Variants in NRXN1 observed in about 807,000 individuals in gnomAD.
The protein encoded by NRXN1 is neurexin 1, also known as neurexin-1.
NRXN1 carries 39 observed loss-of-function variants against 150.9 expected under a neutral mutation model. That is an observed-to-expected ratio of 0.26 (90% CI 0.20 to 0.34). The LOEUF (loss-of-function observed/expected upper bound fraction) is 0.34, where lower values mean the gene tolerates loss of function less well. NRXN1 is among the 10% of genes least tolerant of loss of function. The pLI, the probability that NRXN1 is intolerant of heterozygous loss-of-function variation, is 1.00. For synonymous variants in NRXN1, 924 were observed against 757.0 expected, an observed-to-expected ratio of 1.22 and a Z score of -3.62; for missense variants, 1,815 against 1,949.9, an observed-to-expected ratio of 0.93 and a Z score of 1.30.
intron 17 of NRXN1, among the ~76,000 whole-genome samples, chr2:50,253,710 A>T (rs1208977625): frequency 1.3e-5 from 2 of 152,156 alleles, no homozygotes; most frequent in Admixed American, 1.3e-4. Context: ...GTGATGAATT[A>T]CATTTATTGA....
At chr2:50,594,880 C>A (rs1674890260) in intron 8 of NRXN1, among the ~76,000 whole-genome samples, 1 of 151,998 alleles carries the variant, frequency 6.6e-6, no homozygotes, top group African/African-American at 2.4e-5. Context: ...CAGGGCTAAT[C>A]ACTCCACGAT....
intron 2 of NRXN1, among the ~76,000 whole-genome samples, chr2:50,959,526 A>G (rs1445867671): frequency 6.6e-6 from 1 of 152,092 alleles, no homozygotes. Context: ...TTTCATTTGC[A>G]TGAAATGTCC....
Position 50,550,890 on chromosome 2 carries a change from C to T in NRXN1, c.1759+1697G>A, listed in dbSNP as rs1573508542. Among the ~76,000 whole-genome samples, 4 of 151,778 alleles carry T rather than the reference C, an allele frequency of 2.6e-5. No homozygotes were observed. The South Asian group carries it at 8.3e-4, about 32-fold the overall frequency. ...TAGAGACGGGGTTTCACCATGTTAGCCAGGATGGTCTGGATCTCCTGACCT... is the reference window on the plus strand; with the variant it reads ...TAGAGACGGGGTTTCACCATGTTAGTCAGGATGGTCTGGATCTCCTGACCT... On this transcript the variant is annotated intron_variant, in intron 9 of 22. Transcript: ENST00000401669.
chr2:50,252,559 C>A (rs2067229842), intron 17 of NRXN1, among the ~76,000 whole-genome samples: 1 of 152,054 alleles, frequency 6.6e-6, no homozygotes, highest in Non-Finnish European at 1.5e-5. Flanking sequence ...GCGTCCAGCA[C>A]ATTTATATCT....
chr2:50,392,447 G>T (rs1048489007), intron 17 of NRXN1, among the ~76,000 whole-genome samples: 1 of 152,168 alleles, frequency 6.6e-6, no homozygotes, highest in Non-Finnish European at 1.5e-5. Flanking sequence ...AAGAGGAATA[G>T]AAATGTCAAT....
intron 12 of NRXN1, chr2:50,507,012 A>G (rs2092257145): frequency 6.2e-6 from 1 of 162,534 alleles, no homozygotes; most frequent in Non-Finnish European, 1.3e-5. Context: ...TTTAGTTACC[A>G]CTTTCCTGCT....
chr2:50,386,110 T>G (rs1427247506), intron 17 of NRXN1, among the ~76,000 whole-genome samples: 1 of 152,062 alleles, frequency 6.6e-6, no homozygotes, highest in Non-Finnish European at 1.5e-5. Flanking sequence ...TGTTTAATCA[T>G]GCTATAGTAC....
rs1413239073 is a variant in NRXN1, at chr2:50,997,494, G to C, written c.772+30008C>G. ...AAATAGCTCCAACTTTTAAATATTT[G>C]AAGGGGAAAACATTTTATTTTATTT... is the stretch of plus-strand genomic sequence containing the variant. On this transcript the variant is annotated intron_variant, in intron 2 of 22. Transcript: ENST00000401669. Among the ~76,000 whole-genome samples the C allele has an allele frequency of 7.4e-5, 8 of 107,908 alleles. 3 individuals are homozygous for C. Among genetic ancestry groups the C allele is most frequent in the African/African-American group, 4.6e-4 (8 of 17,274 alleles). The allele number at this position is 107,908 out of a possible 152,430, so 70.8% of individuals were successfully genotyped here.
At chr2:50,386,255 T>C (rs1229252704) in intron 17 of NRXN1, among the ~76,000 whole-genome samples, 1 of 152,140 alleles carries the variant, frequency 6.6e-6, no homozygotes, top group Non-Finnish European at 1.5e-5. Flanking sequence ...GAGATAAAGT[T>C]AAAAATTTCT....
At chr2:49,941,624 T>TA (rs773585508) in intron 22 of NRXN1, among the ~76,000 whole-genome samples, 1 of 152,112 alleles carries the variant, frequency 6.6e-6, no homozygotes, top group African/African-American at 2.4e-5. Flanking sequence ...AGCCTATACT[T>TA]AGACAGTAAA....
chr2:50,351,149 G>A (rs2078381986), intron 17 of NRXN1, among the ~76,000 whole-genome samples: 1 of 152,106 alleles, frequency 6.6e-6, no homozygotes, highest in Non-Finnish European at 1.5e-5. Flanking sequence ...GTTATCTAAG[G>A]GAAACTGAGG....
intron 21 of NRXN1, among the ~76,000 whole-genome samples, chr2:50,038,515 T>G (rs575355005): frequency 6.6e-6 from 1 of 152,272 alleles, no homozygotes; most frequent in African/African-American, 2.4e-5. Flanking sequence ...CAGCTGAACC[T>G]TCCAGTGAGA....
chr2:50,787,051 G>A (rs562108353), intron 5 of NRXN1, among the ~76,000 whole-genome samples: 1 of 152,194 alleles, frequency 6.6e-6, no homozygotes, highest in Non-Finnish European at 1.5e-5. Context: ...ACACTGTTGG[G>A]AAAACATCTG....
intron 18 of NRXN1, among the ~76,000 whole-genome samples, chr2:50,198,715 C>T (rs2061936163): frequency 2.0e-5 from 3 of 151,952 alleles, no homozygotes; most frequent in South Asian, 4.2e-4. Flanking sequence ...ATCCTAAAAC[C>T]CCATTCTAGA....
At chr2:50,595,163 GA>G (rs536752517) in intron 8 of NRXN1, among the ~76,000 whole-genome samples, 614 of 152,206 alleles carry the variant, frequency 4.0e-3, no homozygotes, top group Non-Finnish European at 7.7e-3. Context: ...GAGGGCTTTT[GA>G]AATGATGGTG....
intron 19 of NRXN1, among the ~76,000 whole-genome samples, chr2:50,061,754 T>C (rs1032464140): frequency 6.6e-6 from 1 of 152,332 alleles, no homozygotes; most frequent in Middle Eastern, 3.4e-3. Flanking sequence ...AAAAGCAAGA[T>C]AGGATTTTCC....
At chr2:50,317,807 A>G (rs546183077) in intron 17 of NRXN1, among the ~76,000 whole-genome samples, 7 of 152,176 alleles carry the variant, frequency 4.6e-5, no homozygotes, top group African/African-American at 1.4e-4. Flanking sequence ...TCATTCCAAA[A>G]AGATCATGAA....
At chr2:50,837,826 C>T (rs945695143) in intron 5 of NRXN1, among the ~76,000 whole-genome samples, 1 of 152,020 alleles carries the variant, frequency 6.6e-6, no homozygotes, top group Non-Finnish European at 1.5e-5. Flanking sequence ...ACAAAAATAA[C>T]AATTTAGTTT....
At chr2:50,231,037 C>T (rs915568347) in intron 18 of NRXN1, among the ~76,000 whole-genome samples, 1 of 151,952 alleles carries the variant, frequency 6.6e-6, no homozygotes, top group Non-Finnish European at 1.5e-5. Flanking sequence ...AGGAAAGCTA[C>T]CTCGTGATAC....
Sources: gnomAD v4.1 joint callset for allele counts (sites outside exome capture counted in the v4.1 genomes callset) on GRCh38, gnomAD v4.1.1 for gene constraint, MANE v1.5 for transcripts, NCBI Gene and HGNC (gene_info 2026-07-23, HGNC 2026-07-21) for gene names.